UBE2QL1: variants seen among roughly 807,000 people sequenced by gnomAD.
UBE2QL1 encodes the protein ubiquitin conjugating enzyme E2 QL1, also known as ubiquitin-conjugating enzyme E2Q-like protein 1.
Under a neutral mutation model 12.6 loss-of-function variants are expected in UBE2QL1, and 5 were observed. The observed-to-expected ratio is 0.40, with a 90% CI of 0.21 to 0.83. UBE2QL1 has a LOEUF of 0.83. Ranked by LOEUF, UBE2QL1 falls within the 40% of genes least tolerant of loss-of-function variation. The pLI is 0.37. For synonymous variants in UBE2QL1, 96 were observed against 94.5 expected (o/e 1.02, Z -0.10); for missense variants, 99 against 222.6 (o/e 0.44, Z 3.53).
intron 1 of UBE2QL1, among the ~76,000 whole-genome samples, chr5:6,454,471 G>A (rs1739475545): frequency 6.6e-6 from 1 of 152,064 alleles, no homozygotes; most frequent in South Asian, 2.1e-4. Flanking sequence ...TCCAAATAAG[G>A]TCACCCTCTG....
At chr5:6,480,591 CCT>C (rs755572664) in intron 1 of UBE2QL1, among the ~76,000 whole-genome samples, 9 of 152,294 alleles carry the variant, frequency 5.9e-5, no homozygotes, top group Non-Finnish European at 1.2e-4. Flanking sequence ...GCAAAAAGTT[CCT>C]TTTTCTGCGC....
At chr5:6,482,654 C>T (rs1424194189) in intron 1 of UBE2QL1, among the ~76,000 whole-genome samples, 1 of 152,182 alleles carries the variant, frequency 6.6e-6, no homozygotes, top group African/African-American at 2.4e-5. Context: ...TAGGCAGAGA[C>T]ATTTTTGGTT....
At chr5:6,485,553 C>T (rs1422468999) in intron 1 of UBE2QL1, among the ~76,000 whole-genome samples, 2 of 152,168 alleles carry the variant, frequency 1.3e-5, no homozygotes, top group Non-Finnish European at 2.9e-5. Flanking sequence ...TAAAATGAGT[C>T]TTGCACACGT....
At chr5:6,465,631 A>G (rs1434853619) in intron 1 of UBE2QL1, among the ~76,000 whole-genome samples, 1 of 152,032 alleles carries the variant, frequency 6.6e-6, no homozygotes. Context: ...GGGCTCTGGG[A>G]TGCTTCGGGT....
At chr5:6,461,543 A>ACCC (rs71953375) in intron 1 of UBE2QL1, among the ~76,000 whole-genome samples, 14 of 42,220 alleles carry the variant, frequency 3.3e-4, no homozygotes, top group African/African-American at 5.2e-4. Flanking sequence ...AGCACCCACC[A>ACCC]CCCCCCCCCG....
Position 6,491,149 on chromosome 5 carries a change from T to C in UBE2QL1, c.355-69T>C, listed in dbSNP as rs959233351. ...AAATCCCCACGACTCTGTGTGTTTT[T>C]AATAAAGATGGTAGGAAACAGAATT... On this transcript the variant is annotated intron_variant, in intron 1 of 1. Coordinates refer to ENST00000399816, the MANE Select transcript of UBE2QL1 (RefSeq NM_001145161.3). 2.8e-6 allele frequency: 4 copies of C among 1,452,746 alleles called. No homozygotes were observed. The African/African-American group carries it at 4.3e-5, about 16-fold the overall frequency. The allele number at this position is 1,452,746 out of a possible 1,614,324, so 90.0% of individuals were successfully genotyped here. A position where few individuals can be genotyped will look rare whatever the true frequency, so the allele number is the denominator to read the frequency against.
intron 1 of UBE2QL1, among the ~76,000 whole-genome samples, chr5:6,450,093 C>G (rs1025955113): frequency 4.7e-5 from 7 of 149,412 alleles, no homozygotes; most frequent in Non-Finnish European, 1.0e-4. Context: ...CAGACCCCCC[C>G]CCCCCACGGC....
rs958729185 is a variant in UBE2QL1 at position 6,491,758 on chromosome 5, C to T, written c.*409C>T. ...TGGCGCCGTTCATATTTCACAGGGA[C>T]GCCGTGCATCTCCGCCGTGCGTCCC... is the stretch of plus-strand genomic sequence containing the variant. On this transcript the variant is annotated 3_prime_UTR_variant, in exon 2 of 2. Coordinates refer to ENST00000399816, the MANE Select transcript of UBE2QL1 (RefSeq NM_001145161.3). The T allele has an allele frequency of 3.2e-5, 5 of 156,856 alleles. No individual in the cohort carries two copies. Among genetic ancestry groups the T allele is most frequent in the Admixed American group, 1.9e-4 (3 of 15,996 alleles). 9.7% of individuals were successfully genotyped at this position (156,856 alleles called of 1,614,324 possible). A position where few individuals can be genotyped will look rare whatever the true frequency, so the allele number is the denominator to read the frequency against.
intron 1 of UBE2QL1, among the ~76,000 whole-genome samples, chr5:6,490,004 T>C (rs921060432): frequency 3.9e-5 from 6 of 152,222 alleles, no homozygotes; most frequent in African/African-American, 1.4e-4. Context: ...CGATGGTTGG[T>C]AATTATGCGC....
intron 1 of UBE2QL1, among the ~76,000 whole-genome samples, chr5:6,470,317 G>A (rs1739884259): frequency 6.6e-6 from 1 of 152,140 alleles, no homozygotes; most frequent in African/African-American, 2.4e-5. Context: ...TTCATGAAGA[G>A]GCCAGGAAAA....
intron 1 of UBE2QL1, among the ~76,000 whole-genome samples, chr5:6,460,461 G>A (rs113481451): frequency 6.6e-6 from 1 of 152,124 alleles, no homozygotes; most frequent in Non-Finnish European, 1.5e-5. Context: ...CAGGTGCCTC[G>A]GGTGTTTCCG....
intron 1 of UBE2QL1, among the ~76,000 whole-genome samples, chr5:6,452,711 C>G (rs1050898782): frequency 6.6e-6 from 1 of 152,178 alleles, no homozygotes; most frequent in Admixed American, 6.5e-5. Context: ...ACTGCATTTT[C>G]GGACTCTGTA....
rs1360755299 is a variant in UBE2QL1 at position 6,483,684 on chromosome 5, G to A, written c.355-7534G>A. On this transcript the variant is annotated intron_variant, in intron 1 of 1. Coordinates refer to ENST00000399816, the MANE Select transcript of UBE2QL1 (RefSeq NM_001145161.3). ...TACTGTAATAAGAATGGGTTTCCCA[G>A]TGCATTTTTTCTGCAGAAACTACAT... 7.2e-5 allele frequency among the ~76,000 whole-genome samples: 11 copies of A among 152,208 alleles called. No individual in the cohort carries two copies. The East Asian group carries it at 2.1e-3, about 29-fold the overall frequency.
At position 6,495,978 on chromosome 5, in the gene UBE2QL1, G is replaced by A. The variant is rs1372165636; in HGVS notation, c.*4629G>A. The stretch of plus-strand genomic sequence containing the variant: ...TTCGGGAAAGCAATAAGTAATGTTA[G>A]TTTGGTTCCAGAAGAAACACGGGAG... On this transcript the variant is annotated 3_prime_UTR_variant, in exon 2 of 2. Transcript: ENST00000399816. 6.6e-6 allele frequency among the ~76,000 whole-genome samples: 1 copy of A among 152,226 alleles called. No homozygotes were observed. The highest frequency in any genetic ancestry group is 6.5e-5 in the Admixed American group (1 of 15,280).
chr5:6,457,835 G>A (rs1739560809), intron 1 of UBE2QL1, among the ~76,000 whole-genome samples: 1 of 152,200 alleles, frequency 6.6e-6, no homozygotes, highest in Non-Finnish European at 1.5e-5. Context: ...TGGATGTTAG[G>A]AATGCCTCTG....
intron 1 of UBE2QL1, among the ~76,000 whole-genome samples, chr5:6,475,419 A>G (rs891296355): frequency 3.3e-5 from 2 of 60,984 alleles, no homozygotes; most frequent in Non-Finnish European, 1.3e-4. Context: ...TGCTTTGTCT[A>G]CACTGACTAA....
chr5:6,477,486 C>G (rs1392034446), intron 1 of UBE2QL1, among the ~76,000 whole-genome samples: 2 of 152,230 alleles, frequency 1.3e-5, no homozygotes, highest in African/African-American at 2.4e-5. Context: ...CCCCCACCAC[C>G]AAAACCCAAG....
intron 1 of UBE2QL1, among the ~76,000 whole-genome samples, chr5:6,461,540 A>ATCCCC (rs1553987848): frequency 2.1e-5 from 1 of 46,772 alleles, no homozygotes; most frequent in African/African-American, 6.1e-5. Context: ...TTCAGCACCC[A>ATCCCC]CCACCCCCCC....
rs1734285793 is a variant in UBE2QL1, at chr5:6,478,583, T to A, written c.355-12635T>A. Reference sequence around the variant, plus strand: ...GACAAATTCATTCCCAGGCTCTGATTCCTGTCACATTTCCTAGTGACATTC... The same window carrying A: ...GACAAATTCATTCCCAGGCTCTGATACCTGTCACATTTCCTAGTGACATTC... On this transcript the variant is annotated intron_variant, in intron 1 of 1. Transcript: ENST00000399816. This position sits in a 1 kb window ranked among gnomAD's most constrained non-coding sequence, Gnocchi z 4.5. Among the ~76,000 whole-genome samples the A allele has an allele frequency of 6.6e-6, 1 of 151,992 alleles. No individual in the cohort carries two copies. Among genetic ancestry groups the A allele is most frequent in the South Asian group, 2.1e-4 (1 of 4,824 alleles).
Sources: gnomAD v4.1 joint callset for allele counts (sites outside exome capture counted in the v4.1 genomes callset) on GRCh38, gnomAD v4.1.1 for gene constraint, Gnocchi (gnomAD v3.1) non-coding constraint, MANE v1.5 for transcripts, NCBI Gene and HGNC (gene_info 2026-07-23, HGNC 2026-07-21) for gene names.